SATB2: variants seen among roughly 807,000 people sequenced by gnomAD.
SATB2 encodes the protein SATB homeobox 2.
Under a neutral mutation model 73.4 loss-of-function variants are expected in SATB2, and 1 was observed. The ratio of observed to expected loss-of-function variants is 0.01; its 90% CI spans 0.00 to 0.06. The LOEUF (loss-of-function observed/expected upper bound fraction) is 0.06. SATB2 is among the 10% of genes least tolerant of loss of function. SATB2 has a pLI of 1.00. For synonymous variants in SATB2, 397 were observed against 367.0 expected (o/e 1.08, Z -0.93); for missense variants, 459 against 945.8 (o/e 0.49, Z 6.75).
At chr2:199,380,267 G>C in intron 5 of SATB2, 97 bp downstream of exon 5, 3 of 1,444,322 alleles carry the variant, frequency 2.1e-6, no homozygotes, top group Non-Finnish European at 1.9e-6. Context: ...ATAAATAAAA[G>C]ACAGAGAAGA....
intron 7 of SATB2, among the ~76,000 whole-genome samples, chr2:199,337,972 C>T (rs1223296878): frequency 1.3e-5 from 2 of 152,098 alleles, no homozygotes; most frequent in Non-Finnish European, 2.9e-5. Context: ...GCTAGTGCTT[C>T]CTTGTATTTT....
At chr2:199,338,384 GA>G (rs11339019) in intron 7 of SATB2, among the ~76,000 whole-genome samples, 94,551 of 146,228 alleles carry the variant, frequency 0.65, 32,289 homozygotes, top group Non-Finnish European at 0.77. Context: ...AAACAAACAA[GA>G]AAAAAAAAAA....
intron 3 of SATB2, among the ~76,000 whole-genome samples, chr2:199,415,449 T>C (rs1022393213): frequency 3.9e-5 from 6 of 152,222 alleles, no homozygotes. Context: ...TTTTAACTTA[T>C]TAGCTGCTAT....
chr2:199,412,991 T>C (rs1690867851), intron 3 of SATB2, among the ~76,000 whole-genome samples: 1 of 152,240 alleles, frequency 6.6e-6, no homozygotes. Flanking sequence ...ATGCAAGTAC[T>C]GTTTAGTTGG....
intron 10 of SATB2, among the ~76,000 whole-genome samples, chr2:199,304,783 C>T (rs1035222729): frequency 6.6e-6 from 1 of 152,106 alleles, no homozygotes; most frequent in East Asian, 1.9e-4. Context: ...AAAGAGAAAC[C>T]TGGATAAACC....
intron 10 of SATB2, among the ~76,000 whole-genome samples, chr2:199,292,764 G>A (rs1043568659): frequency 6.6e-6 from 1 of 152,128 alleles, no homozygotes; most frequent in Non-Finnish European, 1.5e-5. Flanking sequence ...ATTGGGGAGT[G>A]GGGGAGAACT....
intron 3 of SATB2, among the ~76,000 whole-genome samples, chr2:199,423,222 C>G (rs1691224829): frequency 1.3e-5 from 2 of 152,002 alleles, no homozygotes; most frequent in Admixed American, 6.6e-5. Flanking sequence ...TTCCATCTCC[C>G]CTACATATAA....
chr2:199,470,149 G>T (rs891927649), intron 1 of SATB2: 4 of 152,384 alleles, frequency 2.6e-5, no homozygotes, highest in Non-Finnish European at 4.4e-5. Flanking sequence ...GCCCAGTCGG[G>T]CAAGAAAGTC....
intron 10 of SATB2, among the ~76,000 whole-genome samples, chr2:199,278,788 A>G (rs1180353754): frequency 1.3e-5 from 2 of 152,226 alleles, no homozygotes; most frequent in African/African-American, 4.8e-5. Flanking sequence ...TGGCACTTCT[A>G]CCCTCAAAAG....
chr2:199,324,638 G>A (rs1251017752), intron 8 of SATB2, among the ~76,000 whole-genome samples: 1 of 152,110 alleles, frequency 6.6e-6, no homozygotes, highest in Non-Finnish European at 1.5e-5. Flanking sequence ...TTAATTGAAT[G>A]ATTTCCCATC....
intron 3 of SATB2, among the ~76,000 whole-genome samples, chr2:199,405,619 T>A (rs184137549): frequency 4.6e-5 from 7 of 152,296 alleles, no homozygotes; most frequent in Admixed American, 2.6e-4. Flanking sequence ...TCCACCACTA[T>A]CACTTTTTCA....
intron 9 of SATB2, among the ~76,000 whole-genome samples, chr2:199,323,273 C>T (rs571741056): frequency 2.6e-5 from 4 of 152,070 alleles, no homozygotes; most frequent in Non-Finnish European, 4.4e-5. Flanking sequence ...GCACTCCCCC[C>T]ACGTGTGTTT....
Position 199,292,120 on chromosome 2 carries a change from A to T in SATB2, c.1740+16640T>A, listed in dbSNP as rs528207241. ...GGCAGAAAGAGAAAAGGCAAAATTT[A>T]CCACACATAGTGGAGCAATGGGTAT... On this transcript the variant is annotated intron_variant, in intron 10 of 10. Transcript: ENST00000417098. 2.6e-5 allele frequency among the ~76,000 whole-genome samples: 4 copies of T among 152,242 alleles called. No homozygotes were observed. In the South Asian group the frequency reaches 8.3e-4, roughly 32 times the overall value.
upstream of SATB2, among the ~76,000 whole-genome samples, chr2:199,466,449 A>T (rs1692594988): frequency 6.6e-6 from 1 of 152,202 alleles, no homozygotes; most frequent in South Asian, 2.1e-4. Context: ...CTTGGTGACC[A>T]GCCCTTGTCC....
At chr2:199,334,377 A>G (rs1238049408) in intron 7 of SATB2, among the ~76,000 whole-genome samples, 1 of 152,204 alleles carries the variant, frequency 6.6e-6, no homozygotes, top group African/African-American at 2.4e-5. Context: ...AATGTATTTT[A>G]GTTCATAATT....
At position 199,457,064 on chromosome 2, in the gene SATB2, T is replaced by C. The variant is rs1196622615; in HGVS notation, c.-60+275A>G. Among the ~76,000 whole-genome samples, 1 of 152,046 alleles carries C rather than the reference T, an allele frequency of 6.6e-6. No homozygotes were observed. Among genetic ancestry groups the C allele is most frequent in the African/African-American group, 2.4e-5 (1 of 41,414 alleles). On this transcript the variant is annotated intron_variant, in intron 1 of 10. Coordinates refer to ENST00000417098, the MANE Select transcript of SATB2 (RefSeq NM_001172509.2). This position sits in a 1 kb window ranked among gnomAD's most constrained non-coding sequence, Gnocchi z 4.8. Reference sequence around the variant, plus strand: ...CGCAAGAAGCAAGACCCCGGCACCGTACTGCGTGCGCGCTGGGAATCCTCG... The same window carrying C: ...CGCAAGAAGCAAGACCCCGGCACCGCACTGCGTGCGCGCTGGGAATCCTCG...
At chr2:199,273,893 T>G (rs1449289259) in intron 10 of SATB2, among the ~76,000 whole-genome samples, 2 of 152,304 alleles carry the variant, frequency 1.3e-5, no homozygotes, top group Non-Finnish European at 2.9e-5. Context: ...AAGGACTTTG[T>G]GGAGGGGGAG....
intron 5 of SATB2, among the ~76,000 whole-genome samples, chr2:199,376,830 T>C (rs1689619065): frequency 6.6e-6 from 1 of 152,118 alleles, no homozygotes; most frequent in South Asian, 2.1e-4. Flanking sequence ...TCACTAGCAG[T>C]GTCTTTCCAG....
intron 2 of SATB2, 129 bp from the exon 3 acceptor site, chr2:199,433,643 C>T (rs1691569882): frequency 1.2e-6 from 1 of 862,554 alleles, no homozygotes. Flanking sequence ...ATTAAACAAG[C>T]CTCTTAGTCA....
Sources: gnomAD v4.1 joint callset for allele counts (sites outside exome capture counted in the v4.1 genomes callset) on GRCh38, gnomAD v4.1.1 for gene constraint, Gnocchi (gnomAD v3.1) non-coding constraint, MANE v1.5 for transcripts, NCBI Gene and HGNC (gene_info 2026-07-23, HGNC 2026-07-21) for gene names.